TAOK1: variants seen among roughly 807,000 people sequenced by gnomAD.
The protein encoded by TAOK1 is TAO kinase 1, also known as serine/threonine-protein kinase TAO1.
Under a neutral mutation model 138.3 loss-of-function variants are expected in TAOK1, and 21 were observed. The observed-to-expected ratio is 0.15, with a 90% CI of 0.11 to 0.22. The LOEUF (loss-of-function observed/expected upper bound fraction) is 0.22. Ranked by LOEUF, TAOK1 falls within the 10% of genes least tolerant of loss-of-function variation. TAOK1 has a pLI of 1.00. For missense variants in TAOK1, 651 were observed against 1,227.7 expected, an observed-to-expected ratio of 0.53 and a Z score of 7.02; for synonymous variants, 361 against 398.4, an observed-to-expected ratio of 0.91 and a Z score of 1.12.
At position 29,417,109 on chromosome 17, in the gene TAOK1, G is replaced by A. The variant is rs535654493; in HGVS notation, c.-95+26085G>A. Among the ~76,000 whole-genome samples, 202 of 152,212 alleles carry A rather than the reference G, an allele frequency of 1.3e-3. 1 individual carries two copies. In the Middle Eastern group the frequency reaches 0.014, roughly 10 times the overall value. ...GCTCACTGCAACCTCCATCTCCTGG[G>A]TTCAAGCAATTCTGCCTGCCTCAGC... is the stretch of plus-strand genomic sequence containing the variant. On this transcript the variant is annotated intron_variant, in intron 1 of 19. Coordinates refer to ENST00000261716, the MANE Select transcript of TAOK1 (RefSeq NM_020791.4).
In TAOK1 at chr17:29,448,765, AT is replaced by A. The variant is rs2030158710; in HGVS notation, c.-94-2688del. Among the ~76,000 whole-genome samples, 2 of 152,182 alleles carry A rather than the reference AT, an allele frequency of 1.3e-5. 1 individual carries two copies. Among genetic ancestry groups the A allele is most frequent in the South Asian group, 4.1e-4 (2 of 4,836 alleles). ...ATTTTTAGGAGTTACATAGAAGATA[AT>A]TAAGTATATTGTTTTATTCAGCAAT... On this transcript the variant is annotated intron_variant, in intron 1 of 19. Coordinates refer to ENST00000261716, the MANE Select transcript of TAOK1 (RefSeq NM_020791.4).
intron 15 of TAOK1, chr17:29,513,824 A>C (rs1347964739): frequency 1.3e-5 from 2 of 152,122 alleles, no homozygotes; most frequent in Non-Finnish European, 2.9e-5. Context: ...CATACTTATA[A>C]TCCCAGCTAC....
At chr17:29,507,756 G>T in intron 13 of TAOK1, 140 bp from the exon 14 acceptor site, 2 of 758,098 alleles carry the variant, frequency 2.6e-6, no homozygotes, top group South Asian at 2.0e-5. Context: ...TAAAAGACTT[G>T]TTGGAAATTT....
Position 29,481,017 on chromosome 17 carries a change from T to C in TAOK1, c.563+536T>C, listed in dbSNP as rs192524517. On this transcript the variant is annotated intron_variant, in intron 7 of 19. Coordinates refer to ENST00000261716, the MANE Select transcript of TAOK1 (RefSeq NM_020791.4). ...GAGTTGCAAGCTGCCCTAGCCACTT[T>C]TATCATGGAGCACCATTTTTATTTG... is the stretch of plus-strand genomic sequence containing the variant. Among the ~76,000 whole-genome samples, 12 of 152,228 alleles carry C rather than the reference T, an allele frequency of 7.9e-5. No homozygotes were observed. In the East Asian group the frequency reaches 1.2e-3, roughly 15 times the overall value.
chr17:29,493,767 A>G (rs1321427677), intron 10 of TAOK1, among the ~76,000 whole-genome samples: 1 of 152,176 alleles, frequency 6.6e-6, no homozygotes, highest in East Asian at 1.9e-4. Context: ...AAAAACTAAT[A>G]AAAAAATTTA....
intron 11 of TAOK1, 81 bp from the exon 12 acceptor site, chr17:29,498,237 G>T: frequency 7.0e-7 from 1 of 1,430,268 alleles, no homozygotes; most frequent in Non-Finnish European, 9.7e-7. Flanking sequence ...CAAGTGGTAT[G>T]CTAGGTGCTT....
rs372008942 is a variant in TAOK1, at chr17:29,457,155, G to A, written c.132+5475G>A. Among the ~76,000 whole-genome samples, 69 of 135,668 alleles carry A rather than the reference G, an allele frequency of 5.1e-4. No homozygotes were observed. The South Asian group carries it at 0.015, about 30-fold the overall frequency. 89.0% of individuals were successfully genotyped at this position (135,668 alleles called of 152,430 possible). ...GTCTCTGTCTCCCAGGCTGCAGTGC[G>A]GTGGCATGATCCTGGCTCACTGCAA... is the stretch of plus-strand genomic sequence containing the variant. On this transcript the variant is annotated intron_variant, in intron 2 of 19. Transcript: ENST00000261716.
intron 8 of TAOK1, among the ~76,000 whole-genome samples, chr17:29,487,404 ACAT>A (rs2031196485): frequency 6.6e-6 from 1 of 152,222 alleles, no homozygotes; most frequent in African/African-American, 2.4e-5. Context: ...TATTCAATAT[ACAT>A]CATGTATTTG....
intron 18 of TAOK1, among the ~76,000 whole-genome samples, chr17:29,531,269 A>AG (rs2032102334): frequency 6.6e-6 from 1 of 150,954 alleles, no homozygotes; most frequent in South Asian, 2.1e-4. Context: ...GCCCGGCTAC[A>AG]AATTTTTTAT....
chr17:29,398,021 C>A (rs557255592), intron 1 of TAOK1, among the ~76,000 whole-genome samples: 2 of 152,058 alleles, frequency 1.3e-5, no homozygotes, highest in African/African-American at 4.8e-5. Flanking sequence ...GCCTATGCCA[C>A]CATACTTGGC....
chr17:29,489,648 T>G lies in TAOK1; in HGVS notation c.656-16T>G. 1.3e-6 allele frequency: 2 copies of G among 1,586,532 alleles called. No homozygotes were observed. Reference sequence around the variant, plus strand: ...CTGGAACCTATTTTAACAGGAATGTTTCCTTTCTTTTACAGCGGAAAGGAA... The same window carrying G: ...CTGGAACCTATTTTAACAGGAATGTGTCCTTTCTTTTACAGCGGAAAGGAA... On this transcript the variant is annotated splice_polypyrimidine_tract_variant and intron_variant, in intron 8 of 19. Transcript: ENST00000261716.
chr17:29,440,504 C>G (rs972810500), intron 1 of TAOK1, among the ~76,000 whole-genome samples: 1 of 151,454 alleles, frequency 6.6e-6, no homozygotes, highest in Non-Finnish European at 1.5e-5. Context: ...AGGAGAGGCT[C>G]TTGTCTTATC....
intron 1 of TAOK1, among the ~76,000 whole-genome samples, chr17:29,398,714 T>C (rs34686336): frequency 0.16 from 24,278 of 151,778 alleles, 2,059 homozygotes; most frequent in Admixed American, 0.21. Context: ...GTTTTTTTAG[T>C]AGAGACAGGG....
intron 1 of TAOK1, among the ~76,000 whole-genome samples, chr17:29,431,803 ATTTTTT>A (rs71360705): frequency 2.7e-5 from 3 of 113,060 alleles, no homozygotes; most frequent in African/African-American, 7.0e-5. Flanking sequence ...TGCCTGGCTA[ATTTTTT>A]TTTTTTTTTT....
chr17:29,530,972 T>TTTTTTTTTC (rs1259592693), intron 18 of TAOK1, among the ~76,000 whole-genome samples: 2 of 131,352 alleles, frequency 1.5e-5, no homozygotes, highest in African/African-American at 6.0e-5. Flanking sequence ...ATTTTTTTTT[T>TTTTTTTTTC]TTTTTTTGAG....
At chr17:29,483,277 C>G (rs1209044083) in intron 8 of TAOK1, among the ~76,000 whole-genome samples, 1 of 152,008 alleles carries the variant, frequency 6.6e-6, no homozygotes, top group East Asian at 1.9e-4. Flanking sequence ...AGGGTTTCGC[C>G]ATGATGCCCA....
intron 19 of TAOK1, among the ~76,000 whole-genome samples, chr17:29,540,687 C>T (rs2032300810): frequency 6.6e-6 from 1 of 152,224 alleles, no homozygotes; most frequent in South Asian, 2.1e-4. Context: ...TCTTCTGCTT[C>T]AGTCTCCCGA....
At chr17:29,475,865 G>A in intron 4 of TAOK1, 94 bp downstream of exon 4, 2 of 883,984 alleles carry the variant, frequency 2.3e-6, no homozygotes, top group Non-Finnish European at 3.7e-6. Context: ...GTAAATGCAT[G>A]CAAAAACACC....
At chr17:29,432,490 G>A (rs1364582634) in intron 1 of TAOK1, among the ~76,000 whole-genome samples, 1 of 152,218 alleles carries the variant, frequency 6.6e-6, no homozygotes, top group African/African-American at 2.4e-5. Context: ...GCCAGTTTAT[G>A]GCCAGATTTG....
Sources: gnomAD v4.1 joint callset for allele counts (sites outside exome capture counted in the v4.1 genomes callset) on GRCh38, gnomAD v4.1.1 for gene constraint, MANE v1.5 for transcripts, NCBI Gene and HGNC (gene_info 2026-07-23, HGNC 2026-07-21) for gene names.